The following TLR4 variants were observed in gnomAD, a reference collection of about 807,000 sequenced individuals.
TLR4 encodes the protein toll-like receptor 4.
Under a neutral mutation model 27.4 loss-of-function variants are expected in TLR4, and 17 were observed. The observed-to-expected ratio is 0.62, with a 90% CI of 0.42 to 0.93. The LOEUF (loss-of-function observed/expected upper bound fraction) is 0.93. TLR4 is among the 40% of genes least tolerant of loss of function. The pLI is 0.00. For synonymous variants in TLR4, 363 were observed against 365.7 expected (o/e 0.99, Z 0.08); for missense variants, 926 against 962.3 (o/e 0.96, Z 0.50).
rs1159727576 is a variant in TLR4 at position 117,723,559 on chromosome 9, G to A, written c.*8911G>A. On this transcript the variant is annotated 3_prime_UTR_variant, in exon 3 of 3. Coordinates refer to ENST00000355622, the MANE Select transcript of TLR4 (RefSeq NM_138554.5). ...GAGACAGAGCCTCCAATAAAATTTA[G>A]GGAAGTGCTACATAAATGCAAGGAG... is the stretch of plus-strand genomic sequence containing the variant. 6.6e-6 allele frequency: 1 copy of A among 152,042 alleles called. No homozygotes were observed. The highest frequency in any genetic ancestry group is 2.1e-4 in the South Asian group (1 of 4,812). The allele number at this position is 152,042 out of a possible 1,614,324, so 9.4% of individuals were successfully genotyped here. A position where few individuals can be genotyped will look rare whatever the true frequency, so the allele number is the denominator to read the frequency against.
chr9:117,708,690 T>G lies in TLR4; in HGVS notation c.221T>G (p.Phe74Cys). The G allele has an allele frequency of 6.2e-7, 1 of 1,613,906 alleles. No homozygotes were observed. The highest frequency in any genetic ancestry group is 2.2e-5 in the East Asian group (1 of 44,876). The change falls in exon 2 of 3, where the codon TTC (phenylalanine) becomes TGC (cysteine). Residue 74 changes from phenylalanine (F) to cysteine (C), a missense_variant. Phe to Cys is a radical substitution (Grantham distance 205). Transcript: ENST00000355622. ...NPLRHLGSYS[F>C]FSFPELQVLD... ...CTGAGGCATTTAGGCAGCTATAGCTTCTTCAGTTTCCCAGAACTGCAGGTG... is the reference window on the plus strand; with the variant it reads ...CTGAGGCATTTAGGCAGCTATAGCTGCTTCAGTTTCCCAGAACTGCAGGTG...
In TLR4 at chr9:117,714,781, A is replaced by C; in HGVS notation, c.*133A>C. On this transcript the variant is annotated 3_prime_UTR_variant, in exon 3 of 3. Transcript: ENST00000355622. ...TGAGTAATTCCATGGTGCACTAGAT[A>C]TGCAGGGCTGCTAATCTCAAGGAGC... The C allele has an allele frequency of 1.3e-6, 1 of 778,422 alleles. No homozygotes were observed. Among genetic ancestry groups the C allele is most frequent in the East Asian group, 2.7e-5 (1 of 37,542 alleles). 48.2% of individuals were successfully genotyped at this position (778,422 alleles called of 1,614,324 possible).
At chr9:117,710,336 T>C (rs1387916369) in intron 2 of TLR4, among the ~76,000 whole-genome samples, 2 of 151,898 alleles carry the variant, frequency 1.3e-5, no homozygotes, top group Non-Finnish European at 2.9e-5. Context: ...TTCTGTTCCT[T>C]TGTTAATTTG....
rs1236641428 is a variant in TLR4, at chr9:117,720,827, G to A, written c.*6179G>A. 6.6e-6 allele frequency: 1 copy of A among 152,316 alleles called. No individual in the cohort carries two copies. The highest frequency in any genetic ancestry group is 1.5e-5 in the Non-Finnish European group (1 of 68,244). 9.4% of individuals were successfully genotyped at this position (152,316 alleles called of 1,614,324 possible). On this transcript the variant is annotated 3_prime_UTR_variant, in exon 3 of 3. Transcript: ENST00000355622. ...GGACCTTGCCCCTCCGTCTTCCTAG[G>A]GCTCGGCCGTGAGATGCTAGTGCAT...
chr9:117,712,544 C>T lies in TLR4; in HGVS notation c.416C>T (p.Ala139Val). Residue 139 changes from alanine to valine, a missense_variant, in exon 3 of 3, where the codon GCA (alanine) becomes GTA (valine). Physicochemically the swap from Ala to Val is moderately conservative, Grantham distance 64. Coordinates refer to ENST00000355622, the MANE Select transcript of TLR4 (RefSeq NM_138554.5). ...CTGGTGGCTGTGGAGACAAATCTAG[C>T]ATCTCTAGAGAACTTCCCCATTGGA... is the stretch of plus-strand genomic sequence containing the variant. ...QKLVAVETNL[A>V]SLENFPIGHL... is the part of the protein sequence containing the mutation. The T allele has an allele frequency of 6.2e-7, 1 of 1,613,978 alleles. No homozygotes were observed. Among genetic ancestry groups the T allele is most frequent in the Non-Finnish European group, 8.5e-7 (1 of 1,179,958 alleles).
At position 117,716,864 on chromosome 9, in the gene TLR4, A is replaced by G. The variant is rs552334278; in HGVS notation, c.*2216A>G. ...ATACATTAAATATATGCAGTTTTAT[A>G]ATATCAATTATGTCTGAATGAAGCT... is the stretch of plus-strand genomic sequence containing the variant. On this transcript the variant is annotated 3_prime_UTR_variant, in exon 3 of 3. Transcript: ENST00000355622. 1 of 152,204 alleles carries G rather than the reference A, an allele frequency of 6.6e-6. No individual in the cohort carries two copies. Among genetic ancestry groups the G allele is most frequent in the South Asian group, 2.1e-4 (1 of 4,828 alleles). 9.4% of individuals were successfully genotyped at this position (152,204 alleles called of 1,614,324 possible). A position where few individuals can be genotyped will look rare whatever the true frequency, so the allele number is the denominator to read the frequency against.
At chr9:117,708,376 T>C (rs1829172012) in intron 1 of TLR4, 187 bp from the exon 2 acceptor site, 1 of 1,433,082 alleles carries the variant, frequency 7.0e-7, no homozygotes, top group South Asian at 1.4e-5. Flanking sequence ...AGTAAGACAA[T>C]TTATAAGCAT....
chr9:117,713,638 TC>T lies in TLR4; in HGVS notation c.1511del (p.Ser504PhefsTer22). 1 of 1,614,110 alleles carries T rather than the reference TC, an allele frequency of 6.2e-7. No homozygotes were observed. The highest frequency in any genetic ancestry group is 8.5e-7 in the Non-Finnish European group (1 of 1,180,024). On this transcript the variant is annotated frameshift_variant, in exon 3 of 3. Coordinates refer to ENST00000355622, the MANE Select transcript of TLR4 (RefSeq NM_138554.5). LOFTEE classifies it low-confidence loss of function (END_TRUNC). ...GAGAAACTTGACCTTCCTGGACCTC[TC>T]TCAGTGTCAACTGGAGCAGTTGTCT... The part of the protein sequence containing the change: ...ELRNLTFLDL[S>X]QCQLEQLSPT...
intron 1 of TLR4, among the ~76,000 whole-genome samples, chr9:117,706,395 C>G (rs1007595936): frequency 7.9e-5 from 12 of 152,042 alleles, no homozygotes; most frequent in Admixed American, 5.9e-4. Flanking sequence ...TTTATTTTCT[C>G]TCTCTCCCTT....
At chr9:117,709,004 A>C (rs1364444817) in intron 2 of TLR4, 6 of 398,314 alleles carry the variant, frequency 1.5e-5, no homozygotes, top group African/African-American at 8.1e-5. Flanking sequence ...AAATTAGCTT[A>C]AATTCTTTCA....
chr9:117,704,540 C>G lies in TLR4; in HGVS notation c.68C>G (p.Pro23Arg). ...PAMAFLSCVR[P>R]ESWEPCVEVV... ...ATGGCCTTCCTCTCCTGCGTGAGAC[C>G]AGAAAGCTGGGAGCCCTGCGTGGAG... is the stretch of plus-strand genomic sequence containing the variant. The change falls in exon 1 of 3, where the codon CCA becomes CGA. Residue 23 changes from proline to arginine, a missense_variant. Transcript: ENST00000355622. The G allele has an allele frequency of 2.5e-6, 4 of 1,613,932 alleles. No individual in the cohort carries two copies. Among genetic ancestry groups the G allele is most frequent in the Non-Finnish European group, 3.4e-6 (4 of 1,179,946 alleles).
At chr9:117,712,218 C>A (rs965666063) in intron 2 of TLR4, among the ~76,000 whole-genome samples, 171 bp from the exon 3 acceptor site, 2 of 152,052 alleles carry the variant, frequency 1.3e-5, no homozygotes, top group Non-Finnish European at 2.9e-5. Context: ...GTCTGTGGGG[C>A]TTCTTATTTG....
rs1829426748 is a variant in TLR4, at chr9:117,721,902, T to C, written c.*7254T>C. On this transcript the variant is annotated 3_prime_UTR_variant, in exon 3 of 3. Transcript: ENST00000355622. ...ACACTGTATAGTTGATTCTTCTCAATCCCACTAGATCAGACTCTTTGGGAT... is the reference window on the plus strand; with the variant it reads ...ACACTGTATAGTTGATTCTTCTCAACCCCACTAGATCAGACTCTTTGGGAT... 6.6e-6 allele frequency: 1 copy of C among 152,228 alleles called. No homozygotes were observed. Among genetic ancestry groups the C allele is most frequent in the African/African-American group, 2.4e-5 (1 of 41,464 alleles). 9.4% of individuals were successfully genotyped at this position (152,228 alleles called of 1,614,324 possible).
intron 1 of TLR4, among the ~76,000 whole-genome samples, chr9:117,706,735 C>A (rs957507967): frequency 6.6e-6 from 1 of 152,212 alleles, no homozygotes; most frequent in Non-Finnish European, 1.5e-5. Flanking sequence ...TTCTGGGAAG[C>A]CTTTCCTGAA....
In TLR4 at chr9:117,717,603, C is replaced by T. The variant is rs1441083565; in HGVS notation, c.*2955C>T. 2 of 152,064 alleles carry T rather than the reference C, an allele frequency of 1.3e-5. No individual in the cohort carries two copies. The highest frequency in any genetic ancestry group is 4.8e-5 in the African/African-American group (2 of 41,410). The allele number at this position is 152,064 out of a possible 1,614,324, so 9.4% of individuals were successfully genotyped here. A position where few individuals can be genotyped will look rare whatever the true frequency, so the allele number is the denominator to read the frequency against. ...ACATACATACATGATTGTTTATCTA[C>T]AGATGTATGCCTCAGTTTCTTAGTA... On this transcript the variant is annotated 3_prime_UTR_variant, in exon 3 of 3. Transcript: ENST00000355622.
At chr9:117,712,324 A>T (rs1207554759) in intron 2 of TLR4, 65 bp from the exon 3 acceptor site, 1 of 1,468,924 alleles carries the variant, frequency 6.8e-7, no homozygotes. Context: ...ACTAGGATTA[A>T]TATTCTATTT....
chr9:117,712,798 A>C lies in TLR4; in HGVS notation c.670A>C (p.Lys224Gln). ...PMNFIQPGAF[K>Q]EIRLHKLTLR... Reference sequence around the variant, plus strand: ...GAACTTTATCCAACCAGGTGCATTTAAAGAAATTAGGCTTCATAAGCTGAC... The same window carrying C: ...GAACTTTATCCAACCAGGTGCATTTCAAGAAATTAGGCTTCATAAGCTGAC... The change falls in exon 3 of 3, where the codon AAA (lysine) becomes CAA (glutamine). Residue 224 changes from lysine (K) to glutamine (Q), a missense_variant. Lys to Gln is a moderately conservative substitution (Grantham distance 53). Coordinates refer to ENST00000355622, the MANE Select transcript of TLR4 (RefSeq NM_138554.5). 6.2e-7 allele frequency: 1 copy of C among 1,614,062 alleles called. No individual in the cohort carries two copies.
chr9:117,713,065 T>C lies in TLR4; in HGVS notation c.937T>C (p.Phe313Leu). ...LFNCLTNVSS[F>L]SLVSVTIERV... ...TAATTGTTTGACAAATGTTTCTTCA[T>C]TTTCCCTGGTGAGTGTGACTATTGA... Residue 313 changes from phenylalanine to leucine, a missense_variant, in exon 3 of 3, where the codon TTT becomes CTT. By Grantham distance (22) the Phe-to-Leu change is conservative. Transcript: ENST00000355622. 19 of 1,614,006 alleles carry C rather than the reference T, an allele frequency of 1.2e-5. No individual in the cohort carries two copies. Among genetic ancestry groups the C allele is most frequent in the Non-Finnish European group, 1.6e-5 (19 of 1,179,914 alleles).
Position 117,722,824 on chromosome 9 carries a change from ATGAATGTAT to A in TLR4, c.*8178_*8186del, listed in dbSNP as rs1381795775. The A allele has an allele frequency of 6.6e-6, 1 of 152,194 alleles. No individual in the cohort carries two copies. The highest frequency in any genetic ancestry group is 1.5e-5 in the Non-Finnish European group (1 of 68,028). The allele number at this position is 152,194 out of a possible 1,614,324, so 9.4% of individuals were successfully genotyped here. On this transcript the variant is annotated 3_prime_UTR_variant, in exon 3 of 3. Transcript: ENST00000355622. ...TAAGATGATTTTATGTGGTTGACAG[ATGAATGTAT>A]TACCTTTAGTGGTTATATGTTTATT... is the stretch of plus-strand genomic sequence containing the variant.
Sources: allele counts gnomAD v4.1 joint callset (sites outside exome capture counted in the v4.1 genomes callset), GRCh38; gene constraint gnomAD v4.1.1; transcripts MANE v1.5; gene names NCBI Gene and HGNC (gene_info 2026-07-23, HGNC 2026-07-21).